The following SRPX variants were observed in gnomAD, a reference collection of about 807,000 sequenced individuals.
SRPX encodes sushi repeat containing protein X-linked, also known as sushi repeat-containing protein SRPX.
SRPX carries 24 observed loss-of-function variants against 38.1 expected under a neutral mutation model. The observed-to-expected ratio is 0.63, with a 90% CI of 0.46 to 0.89. The LOEUF (loss-of-function observed/expected upper bound fraction) is 0.89, where lower values mean the gene tolerates loss of function less well. Ranked by LOEUF, SRPX falls within the 40% of genes least tolerant of loss-of-function variation. SRPX has a pLI of 0.00. For synonymous variants in SRPX, 184 were observed against 153.8 expected, an observed-to-expected ratio of 1.20 and a Z score of -1.45; for missense variants, 416 against 377.8, an observed-to-expected ratio of 1.10 and a Z score of -0.84.
intron 1 of SRPX, among the ~76,000 whole-genome samples, chrX:38,192,795 G>C (rs942470095): frequency 8.9e-6 from 1 of 111,781 alleles, no homozygotes; most frequent in African/African-American, 3.3e-5. Flanking sequence ...GGAAGGGACT[G>C]GAGGGGCTGG....
chrX:38,174,361 G>A lies in SRPX; in HGVS notation c.158-10C>T. 1 of 1,018,473 alleles carries A rather than the reference G, an allele frequency of 9.8e-7. No homozygotes were observed. Among genetic ancestry groups the A allele is most frequent in the Non-Finnish European group, 1.3e-6 (1 of 792,007 alleles). 83.9% of individuals were successfully genotyped at this position (1,018,473 alleles called of 1,213,427 possible). A position where few individuals can be genotyped will look rare whatever the true frequency, so the allele number is the denominator to read the frequency against. On this transcript the variant is annotated splice_polypyrimidine_tract_variant and intron_variant, in intron 2 of 9. Transcript: ENST00000378533. ...GAGCACCACGGGGTATCTACAAGTA[G>A]CAGAAACAAAAGAGGAGATAAATAT...
In SRPX at chrX:38,220,819, G is replaced by C; in HGVS notation, c.-27C>G. 9.4e-7 allele frequency: 1 copy of C among 1,068,422 alleles called. No individual in the cohort carries two copies. Among genetic ancestry groups the C allele is most frequent in the Admixed American group, 4.1e-5 (1 of 24,445 alleles). The allele number at this position is 1,068,422 out of a possible 1,213,427, so 88.0% of individuals were successfully genotyped here. A position where few individuals can be genotyped will look rare whatever the true frequency, so the allele number is the denominator to read the frequency against. ...GCGAGCGGGCGCTTAGCTCGCCTCG[G>C]CAGCGCAGCGCGCTTCCCGGGGGCG... On this transcript the variant is annotated 5_prime_UTR_variant, in exon 1 of 10. Transcript: ENST00000378533.
chrX:38,164,753 G>T lies in SRPX; in HGVS notation c.653+16C>A, dbSNP rs746520122. On this transcript the variant is annotated intron_variant, in intron 5 of 9. Transcript: ENST00000378533. The stretch of plus-strand genomic sequence containing the variant: ...TAAAAGAGACAGCATCATTTTATCT[G>T]CCAAGTTTCACTTACTCAGTAAGAA... 2 of 1,205,630 alleles carry T rather than the reference G, an allele frequency of 1.7e-6. No homozygotes were observed. Among genetic ancestry groups the T allele is most frequent in the African/African-American group, 1.8e-5 (1 of 56,960 alleles).
chrX:38,209,308 A>G (rs946689534), intron 1 of SRPX, among the ~76,000 whole-genome samples: 1 of 111,596 alleles, frequency 9.0e-6, no homozygotes, highest in African/African-American at 3.3e-5. Flanking sequence ...GAGGAAGTAG[A>G]ATAACTTAGT....
At chrX:38,197,323 G>T (rs961467365) in intron 1 of SRPX, among the ~76,000 whole-genome samples, 9 of 112,482 alleles carry the variant, frequency 8.0e-5, no homozygotes, top group Admixed American at 3.7e-4. Context: ...TTAAAAAAGA[G>T]AGAGCAACAG....
At chrX:38,198,825 A>G (rs1445894198) in intron 1 of SRPX, among the ~76,000 whole-genome samples, 1 of 111,511 alleles carries the variant, frequency 9.0e-6, no homozygotes, top group Non-Finnish European at 1.9e-5. Context: ...CAGGGATAAT[A>G]CCATAAGCCA....
In SRPX at chrX:38,172,322, G is replaced by A. The variant is rs984575889; in HGVS notation, c.350-265C>T. 1.2e-4 allele frequency among the ~76,000 whole-genome samples: 14 copies of A among 112,370 alleles called. No homozygotes were observed. In the South Asian group the frequency reaches 2.6e-3, roughly 21 times the overall value. On this transcript the variant is annotated intron_variant, in intron 3 of 9. Coordinates refer to ENST00000378533, the MANE Select transcript of SRPX (RefSeq NM_006307.5). ...TACAAAATTAGCCAGGCGTGGTGGC[G>A]CATGCCTGTAATCCCAGCTACTCGG...
At chrX:38,197,518 A>G (rs1471374495) in intron 1 of SRPX, among the ~76,000 whole-genome samples, 3 of 112,047 alleles carry the variant, frequency 2.7e-5, no homozygotes, top group African/African-American at 9.7e-5. Context: ...TACAATGCAT[A>G]ATGATTAAAT....
intron 3 of SRPX, among the ~76,000 whole-genome samples, chrX:38,172,910 G>A (rs1439140822): frequency 8.9e-6 from 1 of 112,643 alleles, no homozygotes; most frequent in Non-Finnish European, 1.9e-5. Context: ...GAGAGAGAGC[G>A]AGTGGGATCA....
chrX:38,219,774 T>C (rs1939482274), intron 1 of SRPX, among the ~76,000 whole-genome samples: 1 of 111,762 alleles, frequency 8.9e-6, no homozygotes, highest in Admixed American at 9.4e-5. Context: ...GCACGCCCTA[T>C]AGCCGACGTC....
rs185744474 is a variant in SRPX at position 38,188,022 on chromosome X, A to G, written c.98-9678T>C. On this transcript the variant is annotated intron_variant, in intron 1 of 9. Coordinates refer to ENST00000378533, the MANE Select transcript of SRPX (RefSeq NM_006307.5). The stretch of plus-strand genomic sequence containing the variant: ...TCAGAGCACCAGCTTCAACCCCAAG[A>G]TGAAGGCTCAGAACAAGTACACAGA... Among the ~76,000 whole-genome samples the G allele has an allele frequency of 2.7e-5, 3 of 111,928 alleles. No homozygotes were observed. In the Admixed American group the frequency reaches 2.8e-4, roughly 11 times the overall value.
In SRPX at chrX:38,209,618, T is replaced by C. The variant is rs190863917; in HGVS notation, c.97+11078A>G. Among the ~76,000 whole-genome samples, 190 of 112,100 alleles carry C rather than the reference T, an allele frequency of 1.7e-3. 1 individual carries two copies. Among genetic ancestry groups the C allele is most frequent in the Non-Finnish European group, 2.2e-3 (118 of 53,195 alleles). Reference sequence around the variant, plus strand: ...GGTCACTCACTCAAATGAAAGCCATTTGGACTTGGCTGGCCTGAAAAGATG... The same window carrying C: ...GGTCACTCACTCAAATGAAAGCCATCTGGACTTGGCTGGCCTGAAAAGATG... On this transcript the variant is annotated intron_variant, in intron 1 of 9. Coordinates refer to ENST00000378533, the MANE Select transcript of SRPX (RefSeq NM_006307.5).
intron 5 of SRPX, among the ~76,000 whole-genome samples, chrX:38,162,643 A>C (rs760586649): frequency 7.0e-4 from 78 of 111,841 alleles, no homozygotes; most frequent in Non-Finnish European, 1.3e-3. Context: ...GCAAAAACCC[A>C]TCTCTACTAA....
At chrX:38,193,830 G>C (rs1000254674) in intron 1 of SRPX, among the ~76,000 whole-genome samples, 1 of 111,925 alleles carries the variant, frequency 8.9e-6, no homozygotes, top group African/African-American at 3.2e-5. Context: ...AAGCAATTAG[G>C]ATCCTATTTC....
intron 7 of SRPX, among the ~76,000 whole-genome samples, chrX:38,159,722 G>C (rs1194880913): frequency 1.8e-5 from 2 of 112,654 alleles, no homozygotes; most frequent in African/African-American, 6.4e-5. Flanking sequence ...CTAGAACAAA[G>C]GAAACTAGAG....
chrX:38,154,625 TA>T (rs746955757), intron 8 of SRPX, 42 bp from the exon 9 acceptor site: 2 of 1,197,316 alleles, frequency 1.7e-6, no homozygotes, highest in Admixed American at 2.3e-5. Flanking sequence ...TGAGCATGGC[TA>T]AAAAAGACAT....
intron 1 of SRPX, among the ~76,000 whole-genome samples, chrX:38,208,679 CT>C (rs1257866558): frequency 9.2e-6 from 1 of 109,214 alleles, no homozygotes; most frequent in Non-Finnish European, 1.9e-5. Context: ...GCATGTTTTA[CT>C]TTTATAATTT....
intron 1 of SRPX, among the ~76,000 whole-genome samples, chrX:38,214,527 C>T (rs952645813): frequency 9.8e-5 from 11 of 111,870 alleles, no homozygotes; most frequent in Non-Finnish European, 1.1e-4. Flanking sequence ...AACCTACTCA[C>T]GTGGCTGGGG....
chrX:38,164,140 AT>A (rs748043594), intron 5 of SRPX, among the ~76,000 whole-genome samples: 31 of 31,844 alleles, frequency 9.7e-4, no homozygotes, highest in African/African-American at 1.2e-3. Flanking sequence ...GGTACATGAG[AT>A]TTTTTTTTTT....
Sources: gnomAD v4.1 joint callset for allele counts (sites outside exome capture counted in the v4.1 genomes callset) on GRCh38, gnomAD v4.1.1 for gene constraint, MANE v1.5 for transcripts, NCBI Gene and HGNC (gene_info 2026-07-23, HGNC 2026-07-21) for gene names.